Variants in MALRD1 observed in about 807,000 individuals in gnomAD.
The protein encoded by MALRD1 is MAM and LDL-receptor class A domain-containing protein 1.
MALRD1 carries 247 observed loss-of-function variants against 242.1 expected under a neutral mutation model. That is an observed-to-expected ratio of 1.02 (90% confidence interval 0.92 to 1.13). The LOEUF is 1.13. MALRD1 is among the 50% of genes most tolerant of loss of function. The pLI, the probability that MALRD1 is intolerant of heterozygous loss-of-function variation, is 0.00. For synonymous variants in MALRD1, 995 were observed against 866.6 expected, an observed-to-expected ratio of 1.15 and a Z score of -2.60; for missense variants, 2,989 against 2,533.1, an observed-to-expected ratio of 1.18 and a Z score of -3.86.
chr10:19,531,153 T>C, intron 31 of MALRD1, 41 bp from the exon 32 acceptor site: 2 of 1,496,412 alleles, frequency 1.3e-6, no homozygotes, highest in Non-Finnish European at 1.8e-6. Context: ...TCATGCGATA[T>C]TATCATTACA....
intron 4 of MALRD1, among the ~76,000 whole-genome samples, chr10:19,094,545 C>T (rs1226718669): frequency 1.3e-5 from 2 of 151,430 alleles, no homozygotes; most frequent in African/African-American, 2.4e-5. Context: ...CAGAAATCAC[C>T]CGTCTTCTGC....
At chr10:19,215,056 G>A (rs558279700) in intron 18 of MALRD1, among the ~76,000 whole-genome samples, 234 of 152,306 alleles carry the variant, frequency 1.5e-3, no homozygotes, top group African/African-American at 5.4e-3. Context: ...TTGCTCTTGA[G>A]TGATCCCCTT....
intron 33 of MALRD1, among the ~76,000 whole-genome samples, chr10:19,590,619 A>G (rs992478885): frequency 6.6e-6 from 1 of 152,102 alleles, no homozygotes; most frequent in Non-Finnish European, 1.5e-5. Flanking sequence ...TCAGATTTTC[A>G]TAAGACAGAT....
intron 38 of MALRD1, among the ~76,000 whole-genome samples, chr10:19,717,269 T>C (rs527302512): frequency 5.1e-4 from 78 of 152,290 alleles, no homozygotes; most frequent in Non-Finnish European, 8.5e-4. Flanking sequence ...ACAAAGATGC[T>C]TTATATGCAT....
intron 29 of MALRD1, among the ~76,000 whole-genome samples, chr10:19,469,081 C>G (rs1022185372): frequency 6.6e-6 from 1 of 152,080 alleles, no homozygotes; most frequent in Non-Finnish European, 1.5e-5. Flanking sequence ...TTAAATCATT[C>G]TCTCTGGGTA....
Position 19,048,893 on chromosome 10 carries a change from ACTTACTTATTACAACTG to A in MALRD1, c.-42_-26del. The stretch of plus-strand genomic sequence containing the variant: ...AATAAAAGAATGTTTCCAATGATGG[ACTTACTTATTACAACTG>A]CTTGATCTCTAATAGACAATACCAA... On this transcript the variant is annotated 5_prime_UTR_variant, in exon 1 of 40. An upstream open reading frame in the 5' UTR loses its in-frame stop. Transcript: ENST00000454679. The A allele has an allele frequency of 8.4e-7, 1 of 1,194,718 alleles. No homozygotes were observed. Among genetic ancestry groups the A allele is most frequent in the Non-Finnish European group, 1.0e-6 (1 of 952,624 alleles). The allele number at this position is 1,194,718 out of a possible 1,614,324, so 74.0% of individuals were successfully genotyped here.
chr10:19,079,703 G>T (rs1835423557), intron 2 of MALRD1, among the ~76,000 whole-genome samples: 1 of 151,776 alleles, frequency 6.6e-6, no homozygotes, highest in Non-Finnish European at 1.5e-5. Flanking sequence ...ATTCTTGATT[G>T]GTTGACCCAT....
chr10:19,216,027 A>G (rs17721858), intron 18 of MALRD1, among the ~76,000 whole-genome samples: 59,299 of 151,400 alleles, frequency 0.39, 12,526 homozygotes, highest in Non-Finnish European at 0.47. Flanking sequence ...TCAGTGATAC[A>G]TTAGAAAGGT....
chr10:19,332,072 G>A (rs1257327268), intron 24 of MALRD1, among the ~76,000 whole-genome samples: 2 of 151,962 alleles, frequency 1.3e-5, no homozygotes, highest in Admixed American at 1.3e-4. Flanking sequence ...CACCATGTTG[G>A]CCAGGATGGT....
chr10:19,538,422 G>A (rs1834782229), intron 32 of MALRD1, among the ~76,000 whole-genome samples: 1 of 152,104 alleles, frequency 6.6e-6, no homozygotes, highest in Non-Finnish European at 1.5e-5. Flanking sequence ...ACAAAGATCA[G>A]TTTCTTTCTG....
At chr10:19,289,052 G>GT (rs1564532899) in intron 21 of MALRD1, among the ~76,000 whole-genome samples, 1 of 151,802 alleles carries the variant, frequency 6.6e-6, no homozygotes, top group Non-Finnish European at 1.5e-5. Context: ...AATTTTTAAA[G>GT]TTTTTTATTC....
intron 28 of MALRD1, among the ~76,000 whole-genome samples, chr10:19,421,805 C>A (rs577325934): frequency 6.6e-6 from 1 of 152,000 alleles, no homozygotes; most frequent in Non-Finnish European, 1.5e-5. Context: ...TGCCTTTTTT[C>A]CCCTGGCCAG....
At chr10:19,256,962 A>G (rs1257838626) in intron 18 of MALRD1, among the ~76,000 whole-genome samples, 2 of 152,148 alleles carry the variant, frequency 1.3e-5, no homozygotes, top group African/African-American at 4.8e-5. Flanking sequence ...AGACATTTGC[A>G]TAAGTATTAA....
intron 31 of MALRD1, among the ~76,000 whole-genome samples, chr10:19,514,690 G>A (rs928903332): frequency 6.6e-6 from 1 of 152,078 alleles, no homozygotes; most frequent in Admixed American, 6.5e-5. Flanking sequence ...TTAATAAACA[G>A]AACTCACTTT....
chr10:19,576,465 A>G (rs1433845577), intron 33 of MALRD1, among the ~76,000 whole-genome samples: 3 of 152,164 alleles, frequency 2.0e-5, no homozygotes, highest in Non-Finnish European at 4.4e-5. Flanking sequence ...TAAACCCTCC[A>G]TGTATACTTT....
At chr10:19,627,968 A>G (rs1839739903) in intron 36 of MALRD1, among the ~76,000 whole-genome samples, 1 of 152,116 alleles carries the variant, frequency 6.6e-6, no homozygotes, top group African/African-American at 2.4e-5. Context: ...TTCAAAACAA[A>G]ATTATGTAAC....
chr10:19,491,319 A>G lies in MALRD1; in HGVS notation c.5030-198A>G, dbSNP rs1449484276. The G allele has an allele frequency of 1.1e-5, 8 of 729,394 alleles. No individual in the cohort carries two copies. The African/African-American group carries it at 1.2e-4, about 11-fold the overall frequency. The allele number at this position is 729,394 out of a possible 1,614,324, so 45.2% of individuals were successfully genotyped here. On this transcript the variant is annotated intron_variant, in intron 29 of 39. Coordinates refer to ENST00000454679, the MANE Select transcript of MALRD1 (RefSeq NM_001142308.3). ...CATCAAAGTGCATAAAAGATATTTC[A>G]GAAGTAGAGTCTATATAACTTGCTG...
intron 9 of MALRD1, 23 bp downstream of exon 9, chr10:19,133,971 AT>A (rs547227228): frequency 1.1e-5 from 12 of 1,133,646 alleles, no homozygotes; most frequent in Non-Finnish European, 1.3e-5. Flanking sequence ...AAAAAAAAGT[AT>A]TTTTTTATCA....
chr10:19,108,380 G>A (rs1225479504), intron 5 of MALRD1, among the ~76,000 whole-genome samples: 1 of 21,280 alleles, frequency 4.7e-5, no homozygotes, highest in South Asian at 2.4e-3. Flanking sequence ...CTCATGAATT[G>A]TTTTTTCTTT....
Sources: gnomAD v4.1 joint callset for allele counts (sites outside exome capture counted in the v4.1 genomes callset) on GRCh38, gnomAD v4.1.1 for gene constraint, MANE v1.5 for transcripts, NCBI Gene and HGNC (gene_info 2026-07-23, HGNC 2026-07-21) for gene names.